The following EFNA5 variants were observed in gnomAD, a reference collection of about 807,000 sequenced individuals.
EFNA5 encodes the protein ephrin A5.
A neutral mutation model predicts 22.9 loss-of-function variants in EFNA5; 5 were observed. That is an observed-to-expected ratio of 0.22 (90% CI 0.11 to 0.46). The LOEUF is 0.46. Ranked by LOEUF, EFNA5 falls within the 20% of genes least tolerant of loss-of-function variation. The pLI is 0.99. For missense variants in EFNA5, 237 were observed against 293.3 expected (o/e 0.81, Z 1.40); for synonymous variants, 113 against 112.2 (o/e 1.01, Z -0.04).
At chr5:107,406,405 A>T (rs1159883936) in intron 2 of EFNA5, among the ~76,000 whole-genome samples, 1 of 151,844 alleles carries the variant, frequency 6.6e-6, no homozygotes, top group Non-Finnish European at 1.5e-5. Flanking sequence ...CAGGCCCACG[A>T]TCTCTGCAGC....
At chr5:107,644,916 G>GTCT (rs1161739234) in intron 1 of EFNA5, among the ~76,000 whole-genome samples, 12 of 152,116 alleles carry the variant, frequency 7.9e-5, no homozygotes, top group Non-Finnish European at 5.9e-5. Context: ...GGTCAGGCCG[G>GTCT]TCTCGAACTC....
chr5:107,423,433 G>A (rs980346546), intron 2 of EFNA5, among the ~76,000 whole-genome samples: 2 of 147,802 alleles, frequency 1.4e-5, no homozygotes, highest in Non-Finnish European at 3.0e-5. Context: ...AAAAAGACAG[G>A]GTTTTGCTAT....
chr5:107,383,599 A>C (rs1184900685), intron 4 of EFNA5, among the ~76,000 whole-genome samples: 1 of 152,204 alleles, frequency 6.6e-6, no homozygotes, highest in Non-Finnish European at 1.5e-5. Flanking sequence ...AAATTGCATC[A>C]GCTATTGGAT....
chr5:107,638,377 T>C (rs995480816), intron 1 of EFNA5, among the ~76,000 whole-genome samples: 2 of 152,098 alleles, frequency 1.3e-5, no homozygotes, highest in African/African-American at 4.8e-5. Flanking sequence ...GAGATGTTAG[T>C]CAAAGAACAC....
chr5:107,665,240 C>T (rs1434125165), intron 1 of EFNA5, among the ~76,000 whole-genome samples: 1 of 152,170 alleles, frequency 6.6e-6, no homozygotes, highest in Non-Finnish European at 1.5e-5. Context: ...TTCATAGCAA[C>T]AGGGGAGAAA....
At chr5:107,591,714 G>A (rs926388548) in intron 1 of EFNA5, among the ~76,000 whole-genome samples, 1 of 145,446 alleles carries the variant, frequency 6.9e-6, no homozygotes, top group South Asian at 2.1e-4. Context: ...CCAGCTACTC[G>A]GGAGGCTGAG....
At chr5:107,636,279 A>G (rs934763899) in intron 1 of EFNA5, among the ~76,000 whole-genome samples, 2 of 152,246 alleles carry the variant, frequency 1.3e-5, no homozygotes, top group Non-Finnish European at 1.5e-5. Context: ...ATCAAGATGC[A>G]TAACTTCAAT....
intron 1 of EFNA5, among the ~76,000 whole-genome samples, chr5:107,503,568 A>T (rs945599912): frequency 6.6e-6 from 1 of 152,240 alleles, no homozygotes; most frequent in South Asian, 2.1e-4. Context: ...TAAATCATTT[A>T]ACCTATGGCT....
chr5:107,541,812 T>G (rs900488182), intron 1 of EFNA5, among the ~76,000 whole-genome samples: 1 of 152,190 alleles, frequency 6.6e-6, no homozygotes, highest in African/African-American at 2.4e-5. Flanking sequence ...ATGTGGGAAA[T>G]TTTCCTGGTT....
intron 1 of EFNA5, among the ~76,000 whole-genome samples, chr5:107,606,467 ATT>A (rs1308525632): frequency 1.5e-4 from 23 of 151,082 alleles, no homozygotes; most frequent in African/African-American, 5.1e-4. Context: ...CCTGTTTTGT[ATT>A]ATTTTTAATT....
At chr5:107,527,322 T>C (rs888815459) in intron 1 of EFNA5, among the ~76,000 whole-genome samples, 2 of 150,904 alleles carry the variant, frequency 1.3e-5, no homozygotes, top group African/African-American at 4.9e-5. Context: ...TCTCGGGCAC[T>C]GTTGCCCGAG....
intron 1 of EFNA5, among the ~76,000 whole-genome samples, chr5:107,464,790 T>C (rs913220716): frequency 1.3e-5 from 2 of 151,926 alleles, no homozygotes; most frequent in Admixed American, 6.6e-5. Flanking sequence ...CAAAACCAAA[T>C]CCATAAGCAA....
At chr5:107,463,233 TA>T (rs1243516888) in intron 1 of EFNA5, among the ~76,000 whole-genome samples, 1 of 152,076 alleles carries the variant, frequency 6.6e-6, no homozygotes, top group Non-Finnish European at 1.5e-5. Context: ...TATCACTAAA[TA>T]AAAAAGCAGA....
intron 1 of EFNA5, among the ~76,000 whole-genome samples, chr5:107,652,148 C>A (rs908276087): frequency 1.3e-5 from 2 of 152,144 alleles, no homozygotes; most frequent in Non-Finnish European, 2.9e-5. Flanking sequence ...CACAACTTGA[C>A]CAACCTACCT....
intron 1 of EFNA5, among the ~76,000 whole-genome samples, chr5:107,437,812 T>G (rs957737456): frequency 9.2e-5 from 14 of 152,052 alleles, no homozygotes; most frequent in African/African-American, 2.4e-4. Context: ...TGAGAGAAGC[T>G]AAATATTATA....
At chr5:107,602,035 A>G (rs1381307802) in intron 1 of EFNA5, among the ~76,000 whole-genome samples, 4 of 152,172 alleles carry the variant, frequency 2.6e-5, no homozygotes. Context: ...AATGAGCATT[A>G]CTCCGAATTT....
At chr5:107,394,912 C>T (rs553088635) in intron 2 of EFNA5, among the ~76,000 whole-genome samples, 4 of 151,838 alleles carry the variant, frequency 2.6e-5, no homozygotes, top group African/African-American at 7.2e-5. Flanking sequence ...GTTTCTGCTG[C>T]TTATTGAAGA....
chr5:107,670,354 C>T, intron 1 of EFNA5, 135 bp downstream of exon 1: 1 of 1,203,552 alleles, frequency 8.3e-7, no homozygotes, highest in Non-Finnish European at 1.1e-6. Context: ...ACGCCTCAAG[C>T]CATCAGCGCC....
intron 1 of EFNA5, among the ~76,000 whole-genome samples, chr5:107,557,175 G>A (rs1399381442): frequency 1.3e-5 from 2 of 152,102 alleles, no homozygotes; most frequent in Admixed American, 6.5e-5. Flanking sequence ...GGCACAGATC[G>A]TATCTGTGGC....
Sources: gnomAD v4.1 joint callset for allele counts (sites outside exome capture counted in the v4.1 genomes callset) on GRCh38, gnomAD v4.1.1 for gene constraint, MANE v1.5 for transcripts, NCBI Gene and HGNC (gene_info 2026-07-23, HGNC 2026-07-21) for gene names.